TTN: variants seen among roughly 807,000 people sequenced by gnomAD.
The protein encoded by TTN is titin, also known as connectin.
TTN carries 1,525 observed loss-of-function variants against 3,223.0 expected under a neutral mutation model. The ratio of observed to expected loss-of-function variants is 0.47; its 90% CI spans 0.45 to 0.49. TTN has a LOEUF of 0.49. Among genes scored for constraint, TTN ranks in the 20% least tolerant of loss-of-function variants. The pLI, the probability that TTN is intolerant of heterozygous loss-of-function variation, is 0.00. For synonymous variants in TTN, 14,094 were observed against 15,161.0 expected, an observed-to-expected ratio of 0.93 and a Z score of 5.17; for missense variants, 40,786 against 43,424.0, an observed-to-expected ratio of 0.94 and a Z score of 5.40.
chr2:178,705,053 T>A, intron 103 of TTN, 87 bp from the exon 104 acceptor site: 1 of 1,564,504 alleles, frequency 6.4e-7, no homozygotes, highest in East Asian at 2.2e-5. Context: ...CCATTCTGGA[T>A]GCTGGTTAGG....
rs1273259781 is a variant in TTN, at chr2:178,757,933, C to A, written c.10304-17G>T. On this transcript the variant is annotated splice_polypyrimidine_tract_variant and intron_variant, in intron 44 of 362. Transcript: ENST00000589042. ...TGCTAAATCCTGAAAAGAAGCATAC[C>A]AATTTTTAATGTCTTACCTTGCACT... 2.6e-6 allele frequency: 4 copies of A among 1,513,890 alleles called. No individual in the cohort carries two copies. In the African/African-American group the frequency reaches 4.2e-5, roughly 16 times the overall value. The allele number at this position is 1,513,890 out of a possible 1,614,324, so 93.8% of individuals were successfully genotyped here. A position where few individuals can be genotyped will look rare whatever the true frequency, so the allele number is the denominator to read the frequency against.
At position 178,534,374 on chromosome 2, in the gene TTN, T is replaced by C. The variant is rs752173730; in HGVS notation, c.102241A>G (p.Ser34081Gly). The stretch of plus-strand genomic sequence containing the variant: ...TTTAATGTTCTGATAACTTTAGTAC[T>C]GACTCTTTCTATCTTCTGCTTCAAC... ...PWLKQKIERV[S>G]TKVIRTLKHR... The change falls in exon 358 of 363, where the codon AGT becomes GGT. Residue 34081 changes from serine (S) to glycine (G), a missense_variant. Coordinates refer to ENST00000589042, the MANE Select transcript of TTN (RefSeq NM_001267550.2). 6.2e-7 allele frequency: 1 copy of C among 1,610,964 alleles called. No individual in the cohort carries two copies. Among genetic ancestry groups the C allele is most frequent in the Non-Finnish European group, 8.5e-7 (1 of 1,179,822 alleles).
rs1321907057 is a variant in TTN at position 178,546,686 on chromosome 2, T to G, written c.94742A>C (p.Glu31581Ala). 2 of 1,613,814 alleles carry G rather than the reference T, an allele frequency of 1.2e-6. No homozygotes were observed. The highest frequency in any genetic ancestry group is 1.7e-6 in the Non-Finnish European group (2 of 1,179,758). ...TGCATTCTTGGCTAACACACGGAAC[T>G]CATAAGTGTCTCCTTCACTGAGAGC... The part of the protein sequence containing the change: ...VTALSEGDTY[E>A]FRVLAKNAAG... Residue 31581 changes from glutamate (E) to alanine (A), a missense_variant, in exon 341 of 363, where the codon GAG becomes GCG. Glu to Ala is a moderately radical substitution (Grantham distance 107, BLOSUM62 -1). Transcript: ENST00000589042.
chr2:178,571,846 T>A lies in TTN; in HGVS notation c.74286A>T (p.Val24762=), dbSNP rs757652524. The A allele has an allele frequency of 6.2e-7, 1 of 1,613,614 alleles. No individual in the cohort carries two copies. Among genetic ancestry groups the A allele is most frequent in the Admixed American group, 1.7e-5 (1 of 60,010 alleles). The change falls in exon 326 of 363, where the codon GTA becomes GTT. Residue 24762 remains valine (V), a synonymous_variant. Coordinates refer to ENST00000589042, the MANE Select transcript of TTN (RefSeq NM_001267550.2). ...DNVPLKQTTR[V]NAESTENNSL... Reference sequence around the variant, plus strand: ...AATTATTTTCTGTGCTCTCTGCATTTACTCTAGTTGTCTGCTTCAGTGGTA... The same window carrying A: ...AATTATTTTCTGTGCTCTCTGCATTAACTCTAGTTGTCTGCTTCAGTGGTA...
Position 178,756,500 on chromosome 2 carries a change from G to T in TTN, c.10976C>A (p.Ala3659Glu). 1 of 1,613,744 alleles carries T rather than the reference G, an allele frequency of 6.2e-7. No individual in the cohort carries two copies. The highest frequency in any genetic ancestry group is 2.2e-5 in the East Asian group (1 of 44,834). ...CTGAAGATGCAGGAAAATCTTGGGC[G>T]CCTCACCCGTGGACTCTTTAGCACA... is the stretch of plus-strand genomic sequence containing the variant. ...KECAKESTGE[A>E]PKIFLHLQDV... The change falls in exon 46 of 363, where the codon GCG becomes GAG. Residue 3659 changes from alanine (A) to glutamate (E), a missense_variant. Coordinates refer to ENST00000589042, the MANE Select transcript of TTN (RefSeq NM_001267550.2).
At position 178,587,695 on chromosome 2, in the gene TTN, T is replaced by A. The variant is rs886042512; in HGVS notation, c.63614A>T (p.Lys21205Ile). ...AATGCCAACTTTTCGCCAAGTGACT[T>A]TAGGGGCTGGTCGTCCTCTCACTAT... ...FAIVRGRPAPKVTWRKVGIDN... is the reference protein window; with the variant it reads ...FAIVRGRPAPIVTWRKVGIDN... The change falls in exon 306 of 363, where the codon AAA becomes ATA. Residue 21205 changes from lysine to isoleucine, a missense_variant. Transcript: ENST00000589042. The A allele has an allele frequency of 1.9e-6, 3 of 1,612,926 alleles. No individual in the cohort carries two copies. In the Admixed American group the frequency reaches 5.0e-5, roughly 27 times the overall value.
intron 240 of TTN, among the ~76,000 whole-genome samples, chr2:178,627,014 G>GA: frequency 6.6e-6 from 1 of 151,952 alleles, no homozygotes; most frequent in East Asian, 1.9e-4. Flanking sequence ...CCAATGAAAT[G>GA]AATGTTGAAG....
intron 223 of TTN, among the ~76,000 whole-genome samples, chr2:178,638,128 T>A (rs1359578391): frequency 6.6e-6 from 1 of 151,918 alleles, no homozygotes; most frequent in Non-Finnish European, 1.5e-5. Flanking sequence ...TTCTGAATAA[T>A]AAAAGTACTA....
intron 263 of TTN, 121 bp from the exon 264 acceptor site, chr2:178,613,397 T>A (rs570816860): frequency 1.4e-5 from 12 of 844,448 alleles, no homozygotes; most frequent in African/African-American, 3.5e-5. Context: ...GAAATTTAAC[T>A]GAAAAGCACT....
rs774926230 is a variant in TTN at position 178,539,216 on chromosome 2, G to C, written c.98719C>G (p.Leu32907Val). The C allele has an allele frequency of 2.5e-6, 4 of 1,613,776 alleles. No individual in the cohort carries two copies. The highest frequency in any genetic ancestry group is 4.5e-5 in the East Asian group (2 of 44,866). The change falls in exon 353 of 363, where the codon CTC (leucine) becomes GTC (valine). Residue 32907 changes from leucine to valine, a missense_variant. By Grantham distance (32) the Leu-to-Val change is conservative. Coordinates refer to ENST00000589042, the MANE Select transcript of TTN (RefSeq NM_001267550.2). ...PEPPSNPPEV[L>V]DVTKSSVSLS... ...CTAACAGAACTCTTGGTTACATCGA[G>C]TACTTCTGGAGGATTGCTTGGAGGT... is the stretch of plus-strand genomic sequence containing the variant.
intron 7 of TTN, 145 bp downstream of exon 7, chr2:178,794,777 A>G: frequency 8.6e-7 from 1 of 1,157,800 alleles, no homozygotes; most frequent in South Asian, 1.4e-5. Flanking sequence ...AAGCATGACT[A>G]CTGAATTTGG....
chr2:178,559,523 T>G lies in TTN; in HGVS notation c.86609A>C (p.Glu28870Ala). ...CTTCACTGGTGCTCCACCATCGTTT[T>G]CAGGAACATCCCAGGATAACACTGC... The part of the protein sequence containing the change: ...ESAVLSWDVP[E>A]NDGGAPVKNY... The change falls in exon 326 of 363, where the codon GAA (glutamate) becomes GCA (alanine). Residue 28870 changes from glutamate (E) to alanine (A), a missense_variant. Coordinates refer to ENST00000589042, the MANE Select transcript of TTN (RefSeq NM_001267550.2). The G allele has an allele frequency of 2.5e-6, 4 of 1,613,832 alleles. No individual in the cohort carries two copies. Among genetic ancestry groups the G allele is most frequent in the Non-Finnish European group, 3.4e-6 (4 of 1,179,752 alleles).
Position 178,702,816 on chromosome 2 carries a change from C to G in TTN, c.30224-153G>C, listed in dbSNP as rs114159159. On this transcript the variant is annotated intron_variant, in intron 106 of 362. Transcript: ENST00000589042. ...AATCCAAAATGAGAAGAAATGCACTCTTCTTTGCATCACTAACAAAAAAGT... is the reference window on the plus strand; with the variant it reads ...AATCCAAAATGAGAAGAAATGCACTGTTCTTTGCATCACTAACAAAAAAGT... 6.0e-3 allele frequency among the ~76,000 whole-genome samples: 917 copies of G among 152,302 alleles called. 9 individuals carry two copies. Among genetic ancestry groups the G allele is most frequent in the African/African-American group, 0.021 (864 of 41,568 alleles).
chr2:178,792,778 C>T lies in TTN; in HGVS notation c.1537-581G>A, dbSNP rs185239795. Among the ~76,000 whole-genome samples, 836 of 152,328 alleles carry T rather than the reference C, an allele frequency of 5.5e-3. 14 individuals are homozygous for T. The highest frequency in any genetic ancestry group is 0.019 in the African/African-American group (807 of 41,566). On this transcript the variant is annotated intron_variant, in intron 9 of 362. Coordinates refer to ENST00000589042, the MANE Select transcript of TTN (RefSeq NM_001267550.2). ...TCTCAAATATCTCATCACTGAAACACAGGATCTCAAGGCTGAAAGGGACTT... is the reference window on the plus strand; with the variant it reads ...TCTCAAATATCTCATCACTGAAACATAGGATCTCAAGGCTGAAAGGGACTT...
chr2:178,561,415 T>C lies in TTN; in HGVS notation c.84717A>G (p.Lys28239=), dbSNP rs1209823016. The C allele has an allele frequency of 6.2e-7, 1 of 1,613,664 alleles. No homozygotes were observed. The highest frequency in any genetic ancestry group is 8.5e-7 in the Non-Finnish European group (1 of 1,179,798). ...GGACTGGTTCACAAGATTTACTGCA[T>C]TTACCAATTCCAGCAATATTTTCAG... is the stretch of plus-strand genomic sequence containing the variant. ...VYAENIAGIG[K]CSKSCEPVPA... The change falls in exon 326 of 363, where the codon AAA becomes AAG. Residue 28239 remains lysine (K), a synonymous_variant. Transcript: ENST00000589042.
At position 178,777,328 on chromosome 2, in the gene TTN, A is replaced by G; in HGVS notation, c.4646-11T>C. 1 of 1,613,752 alleles carries G rather than the reference A, an allele frequency of 6.2e-7. No homozygotes were observed. The highest frequency in any genetic ancestry group is 8.5e-7 in the Non-Finnish European group (1 of 1,179,916). On this transcript the variant is annotated splice_polypyrimidine_tract_variant and intron_variant, in intron 26 of 362. Coordinates refer to ENST00000589042, the MANE Select transcript of TTN (RefSeq NM_001267550.2). ...CCTGATGTTCCACAGCTGAAAGAGA[A>G]AGGTCATGATTTAGAGGGAGTAAGG...
intron 35 of TTN, 40 bp from the exon 36 acceptor site, chr2:178,770,360 T>TTATCAC (rs755553296): frequency 6.2e-7 from 1 of 1,614,188 alleles, no homozygotes; most frequent in Non-Finnish European, 8.5e-7. Context: ...TAGGGTTAAC[T>TTATCAC]TAATGGTAAC....
rs2078121940 is a variant in TTN at position 178,720,149 on chromosome 2, A to G, written c.23493T>C (p.Asp7831=). The G allele has an allele frequency of 1.2e-6, 2 of 1,613,642 alleles. No homozygotes were observed. Among genetic ancestry groups the G allele is most frequent in the African/African-American group, 1.3e-5 (1 of 74,908 alleles). ...CACTCTCTCTGATGACTTCACCTCT[A>G]TCTTTCAGCCAGACAACAGAAATTG... ...FQPISVVWLK[D]RGEVIRESEN... Residue 7831 remains aspartate, a synonymous_variant, in exon 81 of 363, where the codon GAT becomes GAC. Transcript: ENST00000589042.
Position 178,684,065 on chromosome 2 carries a change from T to C in TTN, c.32740A>G (p.Arg10914Gly). The change falls in exon 133 of 363, where the codon AGA becomes GGA. Residue 10914 changes from arginine to glycine, a missense_variant. Arg to Gly is a moderately radical substitution (Grantham distance 125). Coordinates refer to ENST00000589042, the MANE Select transcript of TTN (RefSeq NM_001267550.2). ...PKARVPEEPK[R>G]AVPEEKVLKL... ...AGAACTTTTTCTTCTGGGACAGCTC[T>C]CTTCGGTTCCTCTGGCACTTTAAAG... 6.2e-7 allele frequency: 1 copy of C among 1,612,764 alleles called. No individual in the cohort carries two copies. The highest frequency in any genetic ancestry group is 8.5e-7 in the Non-Finnish European group (1 of 1,179,256).
Sources: allele counts gnomAD v4.1 joint callset (sites outside exome capture counted in the v4.1 genomes callset), GRCh38; gene constraint gnomAD v4.1.1; transcripts MANE v1.5; gene names NCBI Gene and HGNC (gene_info 2026-07-23, HGNC 2026-07-21).